The following OR3A2 variants were observed in gnomAD, a reference collection of about 807,000 sequenced individuals.
OR3A2 encodes olfactory receptor family 3 subfamily A member 2, also known as olfactory receptor 3A2.
For missense variants in OR3A2, 318 were observed against 392.8 expected (o/e 0.81, Z 1.61); for synonymous variants, 126 against 159.3 (o/e 0.79, Z 1.57).
rs546980410 is a variant in OR3A2, at chr17:3,367,582, T to C, written c.-179+16222A>G. On this transcript the variant is annotated intron_variant, in intron 2 of 4. Coordinates refer to the OR3A2 transcript ENST00000573491. ...GCTGAGTAGTATTCCATGGTGTATA[T>C]GTATATGTGTGTGTGTGTGTATATA... Among the ~76,000 whole-genome samples the C allele has an allele frequency of 2.5e-3, 303 of 118,938 alleles. 1 individual carries two copies. Among genetic ancestry groups the C allele is most frequent in the Non-Finnish European group, 4.0e-3 (239 of 60,166 alleles). The allele number at this position is 118,938 out of a possible 152,430, so 78.0% of individuals were successfully genotyped here.
intron 2 of OR3A2, among the ~76,000 whole-genome samples, chr17:3,350,713 G>A (rs987080918): frequency 4.0e-5 from 6 of 148,698 alleles, no homozygotes; most frequent in East Asian, 2.0e-4. Flanking sequence ...TACCAAAGCC[G>A]GGCAGAGACA....
In OR3A2 at chr17:3,357,997, A is replaced by C. The variant is rs375670332; in HGVS notation, c.-178-21871T>G. 1.6e-4 allele frequency among the ~76,000 whole-genome samples: 24 copies of C among 151,770 alleles called. No individual in the cohort carries two copies. The East Asian group carries it at 4.3e-3, about 27-fold the overall frequency. On this transcript the variant is annotated intron_variant, in intron 2 of 4. Coordinates refer to the OR3A2 transcript ENST00000573491. ...TTCAGAGAGGCCACTTAATAACTGA[A>C]GCCTCTGGACTTGGAGCCAATTTTT...
chr17:3,300,742 G>A lies in OR3A2; in HGVS notation c.-84-21589C>T, dbSNP rs531356000. ...GTTCTAGGGTACATGTGCACAATGT[G>A]CAGGTTTGTTACATATGTATACATG... On this transcript the variant is annotated intron_variant, in intron 3 of 4. Coordinates refer to the OR3A2 transcript ENST00000573491. 1.3e-4 allele frequency among the ~76,000 whole-genome samples: 19 copies of A among 151,588 alleles called. 1 individual carries two copies. In the South Asian group the frequency reaches 2.3e-3, roughly 18 times the overall value.
chr17:3,278,262 G>A (rs1035929923), exon 2 of OR3A2: 1 of 1,614,228 alleles, frequency 6.2e-7, no homozygotes, highest in South Asian at 1.1e-5. Context: ...GCTGTAGGCA[G>A]TGATGATGAG....
At chr17:3,349,234 G>A (rs538838531) in intron 2 of OR3A2, among the ~76,000 whole-genome samples, 3 of 152,074 alleles carry the variant, frequency 2.0e-5, no homozygotes, top group Non-Finnish European at 4.4e-5. Context: ...GACACAGACT[G>A]GCAAATTGGA....
At chr17:3,370,170 G>C (rs2049600686) in intron 2 of OR3A2, among the ~76,000 whole-genome samples, 1 of 152,020 alleles carries the variant, frequency 6.6e-6, no homozygotes, top group African/African-American at 2.4e-5. Context: ...TTTTTGTGTT[G>C]TTGGCATTTT....
intron 2 of OR3A2, among the ~76,000 whole-genome samples, chr17:3,373,901 A>C (rs2150666178): frequency 6.6e-6 from 1 of 152,240 alleles, no homozygotes; most frequent in Non-Finnish European, 1.5e-5. Context: ...GCCCTGTGAA[A>C]TTTATGCTTT....
chr17:3,328,534 T>C (rs1354488578), intron 3 of OR3A2, among the ~76,000 whole-genome samples: 3 of 141,666 alleles, frequency 2.1e-5, no homozygotes, highest in African/African-American at 5.6e-5. Context: ...CTTTTCCTAA[T>C]TGAATACCCT....
At chr17:3,345,149 T>A (rs890897666) in intron 2 of OR3A2, among the ~76,000 whole-genome samples, 8 of 152,132 alleles carry the variant, frequency 5.3e-5, no homozygotes, top group African/African-American at 1.9e-4. Flanking sequence ...CTGATGTAGG[T>A]AGGACAATAA....
At chr17:3,382,311 T>C (rs763426565) in intron 2 of OR3A2, among the ~76,000 whole-genome samples, 5 of 152,222 alleles carry the variant, frequency 3.3e-5, no homozygotes, top group Middle Eastern at 3.4e-3. Context: ...GGCAGGAAAG[T>C]AAAGTTGAGT....
Position 3,320,594 on chromosome 17 carries a change from T to C in OR3A2, c.-85+15439A>G, listed in dbSNP as rs540307857. ...AGGGATCCAGTTTCAGCTTTCTACA[T>C]ATGGCTAGCCAGTTTTCCCAGCACC... On this transcript the variant is annotated intron_variant, in intron 3 of 4. Transcript: ENST00000573491. Among the ~76,000 whole-genome samples the C allele has an allele frequency of 2.7e-5, 4 of 146,650 alleles. No individual in the cohort carries two copies. In the South Asian group the frequency reaches 6.8e-4, roughly 25 times the overall value.
Position 3,311,002 on chromosome 17 carries a change from T to C in OR3A2, c.-85+25031A>G, listed in dbSNP as rs1198997351. Reference sequence around the variant, plus strand: ...CATGTGGCAGCTGCAGTCCTGCGAATCCGCTCTGCAGAGGGCAGAAAGAAA... The same window carrying C: ...CATGTGGCAGCTGCAGTCCTGCGAACCCGCTCTGCAGAGGGCAGAAAGAAA... On this transcript the variant is annotated intron_variant, in intron 3 of 4. Transcript: ENST00000573491. This position sits in a 1 kb window ranked among gnomAD's most constrained non-coding sequence, Gnocchi z 4.6. 1.8e-6 allele frequency: 1 copy of C among 550,508 alleles called. No homozygotes were observed. The highest frequency in any genetic ancestry group is 3.7e-6 in the Non-Finnish European group (1 of 271,598). The allele number at this position is 550,508 out of a possible 1,614,324, so 34.1% of individuals were successfully genotyped here.
intron 3 of OR3A2, among the ~76,000 whole-genome samples, chr17:3,294,778 TGAA>T (rs1449513127): frequency 6.6e-6 from 1 of 152,194 alleles, no homozygotes; most frequent in Non-Finnish European, 1.5e-5. Context: ...TGGAATGTAA[TGAA>T]GAACATGCCT....
chr17:3,313,150 G>A (rs949717487), intron 3 of OR3A2, among the ~76,000 whole-genome samples: 1 of 152,152 alleles, frequency 6.6e-6, no homozygotes, highest in Non-Finnish European at 1.5e-5. Context: ...TCAATTTCGT[G>A]CACTATCGTG....
intron 2 of OR3A2, among the ~76,000 whole-genome samples, chr17:3,371,791 C>A (rs1466168703): frequency 5.6e-5 from 8 of 142,660 alleles, no homozygotes; most frequent in African/African-American, 2.1e-4. Flanking sequence ...GCGCCCCTCA[C>A]CTCCTGGCCG....
At chr17:3,300,797 T>G (rs2048957863) in intron 3 of OR3A2, among the ~76,000 whole-genome samples, 2 of 151,858 alleles carry the variant, frequency 1.3e-5, no homozygotes, top group South Asian at 4.2e-4. Flanking sequence ...ACCCATTAAC[T>G]CGTCATTTAC....
At chr17:3,380,858 C>T (rs964210641) in intron 2 of OR3A2, among the ~76,000 whole-genome samples, 2 of 151,896 alleles carry the variant, frequency 1.3e-5, no homozygotes, top group Non-Finnish European at 2.9e-5. Flanking sequence ...TTGAGGCAGG[C>T]GGACTTGAGG....
chr17:3,358,982 T>C (rs1349613356), intron 2 of OR3A2, among the ~76,000 whole-genome samples: 4 of 151,822 alleles, frequency 2.6e-5, no homozygotes, highest in Non-Finnish European at 5.9e-5. Flanking sequence ...TGCATATATA[T>C]TTAGGATATT....
At chr17:3,371,345 C>G (rs1287947181) in intron 2 of OR3A2, among the ~76,000 whole-genome samples, 1 of 150,344 alleles carries the variant, frequency 6.7e-6, no homozygotes, top group Non-Finnish European at 1.5e-5. Context: ...CCTCATCTCC[C>G]GGACGAGGCG....
Sources: gnomAD v4.1 joint callset for allele counts (sites outside exome capture counted in the v4.1 genomes callset) on GRCh38, gnomAD v4.1.1 for gene constraint, Gnocchi (gnomAD v3.1) non-coding constraint, MANE v1.5 for transcripts, NCBI Gene and HGNC (gene_info 2026-07-23, HGNC 2026-07-21) for gene names.